The following ALKBH3 variants were observed in gnomAD, a reference collection of about 807,000 sequenced individuals.
ALKBH3 encodes alpha-ketoglutarate-dependent dioxygenase alkB homolog 3.
ALKBH3 carries 51 observed loss-of-function variants against 43.9 expected under a neutral mutation model. That is an observed-to-expected ratio of 1.16 (90% confidence interval 0.93 to 1.47). ALKBH3 has a LOEUF of 1.47. Ranked by LOEUF, ALKBH3 falls within the 40% of genes most tolerant of loss-of-function variation. The pLI, the probability that ALKBH3 is intolerant of heterozygous loss-of-function variation, is 0.00. For synonymous variants in ALKBH3, 102 were observed against 115.2 expected (o/e 0.89, Z 0.73); for missense variants, 361 against 351.9 (o/e 1.03, Z -0.21).
At chr11:43,896,467 G>A (rs528541455) in intron 7 of ALKBH3, among the ~76,000 whole-genome samples, 5 of 152,286 alleles carry the variant, frequency 3.3e-5, no homozygotes, top group South Asian at 2.1e-4. Context: ...GGAGAACGAC[G>A]TAGGCTGGGA....
intron 8 of ALKBH3, among the ~76,000 whole-genome samples, chr11:43,907,213 G>GTT (rs148157978): frequency 7.6e-6 from 1 of 130,922 alleles, no homozygotes; most frequent in Admixed American, 1.0e-4. Flanking sequence ...GAGAGAGAGA[G>GTT]TGTGTGTGTG....
intron 8 of ALKBH3, among the ~76,000 whole-genome samples, chr11:43,904,790 A>G (rs984964139): frequency 2.0e-5 from 3 of 152,154 alleles, no homozygotes; most frequent in Non-Finnish European, 2.9e-5. Context: ...AACATGACTC[A>G]TGATTCATAC....
chr11:43,917,830 G>A (rs1590384008), intron 8 of ALKBH3, among the ~76,000 whole-genome samples: 2 of 152,250 alleles, frequency 1.3e-5, no homozygotes, highest in Admixed American at 6.5e-5. Context: ...TGAAACCAAA[G>A]TTATTTTAAA....
intron 7 of ALKBH3, among the ~76,000 whole-genome samples, chr11:43,892,522 A>G (rs1294073795): frequency 6.6e-6 from 1 of 152,198 alleles, no homozygotes; most frequent in Non-Finnish European, 1.5e-5. Context: ...ATTTGTGAAA[A>G]AAAATCTGAT....
At chr11:43,903,444 C>T (rs1951875941) in intron 8 of ALKBH3, among the ~76,000 whole-genome samples, 1 of 152,210 alleles carries the variant, frequency 6.6e-6, no homozygotes, top group African/African-American at 2.4e-5. Context: ...ACCCTCTTCT[C>T]AAGCCGGATG....
At chr11:43,898,904 C>T (rs1951840288) in intron 7 of ALKBH3, 1 of 750,562 alleles carries the variant, frequency 1.3e-6, no homozygotes, top group African/African-American at 1.7e-5. Flanking sequence ...AGTGCATGTG[C>T]AAAGTGCCAG....
At chr11:43,902,845 C>A (rs1364463744) in intron 8 of ALKBH3, among the ~76,000 whole-genome samples, 1 of 152,232 alleles carries the variant, frequency 6.6e-6, no homozygotes, top group African/African-American at 2.4e-5. Flanking sequence ...GATTCGCCCA[C>A]CTCGGCCTCC....
intron 4 of ALKBH3, among the ~76,000 whole-genome samples, chr11:43,884,395 T>C (rs1000460045): frequency 5.7e-5 from 7 of 122,506 alleles, no homozygotes; most frequent in African/African-American, 1.4e-4. Flanking sequence ...TTTTTTTTTT[T>C]ACTAGCAATG....
In ALKBH3 at chr11:43,880,877, G is replaced by A. The variant is rs1024724689; in HGVS notation, c.-373G>A. On this transcript the variant is annotated 5_prime_UTR_variant, in exon 1 of 10. Transcript: ENST00000302708. ...GACTGCGGAGTGGGTCAGGGGCTGC[G>A]AGGGCTGCCCCAAGTCCTACCGGGT... 6.6e-6 allele frequency: 1 copy of A among 152,226 alleles called. No individual in the cohort carries two copies. The allele number at this position is 152,226 out of a possible 1,614,324, so 9.4% of individuals were successfully genotyped here.
At chr11:43,886,749 T>C (rs1001488378) in intron 5 of ALKBH3, 96 bp downstream of exon 5, 6 of 1,210,998 alleles carry the variant, frequency 5.0e-6, no homozygotes, top group African/African-American at 4.6e-5. Flanking sequence ...GTAGTACATA[T>C]ACATTATGGA....
At chr11:43,897,114 T>C (rs1393748789) in intron 7 of ALKBH3, 1 of 388,310 alleles carries the variant, frequency 2.6e-6, no homozygotes, top group Non-Finnish European at 5.1e-6. Context: ...TTATTTTTTA[T>C]AGAGAGGGGT....
chr11:43,898,513 GC>G, intron 7 of ALKBH3: 1 of 929,228 alleles, frequency 1.1e-6, no homozygotes. Flanking sequence ...CGGGGAGGAA[GC>G]CCTGCTGAGA....
At position 43,882,451 on chromosome 11, in the gene ALKBH3, G is replaced by A. The variant is rs1316461734; in HGVS notation, c.-70-132G>A. On this transcript the variant is annotated intron_variant, in intron 1 of 9. Coordinates refer to ENST00000302708, the MANE Select transcript of ALKBH3 (RefSeq NM_139178.4). ...CTAGGCTTCTTGAATGAAATGTTGT[G>A]ATGACATAAACTGATTTTACATGGA... 16 of 456,924 alleles carry A rather than the reference G, an allele frequency of 3.5e-5. No homozygotes were observed. The South Asian group carries it at 6.7e-4, about 19-fold the overall frequency. 28.3% of individuals were successfully genotyped at this position (456,924 alleles called of 1,614,324 possible).
At chr11:43,904,345 C>T (rs1951882307) in intron 8 of ALKBH3, among the ~76,000 whole-genome samples, 1 of 152,184 alleles carries the variant, frequency 6.6e-6, no homozygotes, top group South Asian at 2.1e-4. Flanking sequence ...AGGTTGTTGA[C>T]TGTAGTAAGT....
At chr11:43,889,656 C>A in intron 5 of ALKBH3, 69 bp from the exon 6 acceptor site, 1 of 1,351,998 alleles carries the variant, frequency 7.4e-7, no homozygotes, top group Non-Finnish European at 1.1e-6. Flanking sequence ...TTAACTGTTT[C>A]CACTAACATT....
chr11:43,897,847 G>A lies in ALKBH3; in HGVS notation c.460-3669G>A, dbSNP rs530186070. 54 of 800,470 alleles carry A rather than the reference G, an allele frequency of 6.7e-5. No homozygotes were observed. The African/African-American group carries it at 8.7e-4, about 13-fold the overall frequency. 49.6% of individuals were successfully genotyped at this position (800,470 alleles called of 1,614,324 possible). The stretch of plus-strand genomic sequence containing the variant: ...AGTTTAGATATTAAATCTTTCTTTG[G>A]TTTTGAAAGTACCATGGAAAAAATT... On this transcript the variant is annotated intron_variant, in intron 7 of 9. Transcript: ENST00000302708.
chr11:43,903,843 A>G (rs979963911), intron 8 of ALKBH3, among the ~76,000 whole-genome samples: 1 of 152,186 alleles, frequency 6.6e-6, no homozygotes, highest in Admixed American at 6.5e-5. Context: ...CAATTTCCAA[A>G]TATTATGCAT....
chr11:43,882,959 C>T (rs768959086), intron 2 of ALKBH3, 126 bp from the exon 3 acceptor site: 24 of 858,516 alleles, frequency 2.8e-5, no homozygotes, highest in Non-Finnish European at 4.3e-5. Flanking sequence ...CTTCTGTTGA[C>T]TTTACCAGTT....
At chr11:43,889,929 GAAATTCA>G in intron 6 of ALKBH3, 101 bp downstream of exon 6, 1 of 1,014,360 alleles carries the variant, frequency 9.9e-7, no homozygotes, top group Admixed American at 2.3e-5. Flanking sequence ...GTCTTAAACA[GAAATTCA>G]AAACCTGAGA....
Sources: allele counts gnomAD v4.1 joint callset (sites outside exome capture counted in the v4.1 genomes callset), GRCh38; gene constraint gnomAD v4.1.1; transcripts MANE v1.5; gene names NCBI Gene and HGNC (gene_info 2026-07-23, HGNC 2026-07-21).